Variants in DPP6 observed in about 807,000 individuals in gnomAD.
DPP6 encodes dipeptidyl peptidase like 6, also known as A-type potassium channel modulatory protein DPP6.
A neutral mutation model predicts 122.6 loss-of-function variants in DPP6; 69 were observed. That is an observed-to-expected ratio of 0.56 (90% confidence interval 0.46 to 0.69). The LOEUF is 0.69. DPP6 is among the 30% of genes least tolerant of loss of function. DPP6 has a pLI of 0.00. For missense variants in DPP6, 928 were observed against 1,116.9 expected, an observed-to-expected ratio of 0.83 and a Z score of 2.41; for synonymous variants, 418 against 433.1, an observed-to-expected ratio of 0.97 and a Z score of 0.43.
At chr7:154,157,978 AAT>A (rs1458762811) in intron 1 of DPP6, among the ~76,000 whole-genome samples, 1 of 148,284 alleles carries the variant, frequency 6.7e-6, no homozygotes, top group Admixed American at 6.8e-5. Flanking sequence ...TATGTATATA[AAT>A]ATATATACAT....
intron 1 of DPP6, among the ~76,000 whole-genome samples, chr7:154,209,991 G>A (rs11762905): frequency 0.053 from 8,099 of 152,216 alleles, 417 homozygotes; most frequent in African/African-American, 0.12. Flanking sequence ...GAAGCTGCAA[G>A]TGCTGCCTGG....
chr7:154,405,744 C>T (rs1253866479), intron 1 of DPP6, among the ~76,000 whole-genome samples: 1 of 152,158 alleles, frequency 6.6e-6, no homozygotes, highest in Non-Finnish European at 1.5e-5. Flanking sequence ...TCTCAAACTG[C>T]TCTCAGATCT....
intron 1 of DPP6, among the ~76,000 whole-genome samples, chr7:153,898,874 G>A (rs77102228): frequency 6.6e-6 from 1 of 152,186 alleles, no homozygotes; most frequent in Non-Finnish European, 1.5e-5. Context: ...CATCTTTTCT[G>A]TGCTTTGCTG....
intron 1 of DPP6, among the ~76,000 whole-genome samples, chr7:153,887,992 G>A (rs1799012962): frequency 6.6e-6 from 1 of 152,108 alleles, no homozygotes; most frequent in African/African-American, 2.4e-5. Context: ...TTTGTGTTTT[G>A]GGCGCGGGAT....
the DPP6 span, among the ~76,000 whole-genome samples, chr7:153,848,389 C>A: frequency 0.093 from 14,085 of 151,752 alleles, 1,122 homozygotes; most frequent in East Asian, 0.25. Flanking sequence ...TCCTTGTTAT[C>A]TGCTCTTAGA....
At chr7:154,749,425 A>C (rs1490861183) in intron 8 of DPP6, among the ~76,000 whole-genome samples, 2 of 148,382 alleles carry the variant, frequency 1.3e-5, no homozygotes, top group African/African-American at 5.1e-5. Context: ...GTGAGGGAGC[A>C]TAGGACAGGA....
At chr7:154,066,227 T>C (rs1406851930) in intron 1 of DPP6, among the ~76,000 whole-genome samples, 1 of 151,966 alleles carries the variant, frequency 6.6e-6, no homozygotes, top group East Asian at 1.9e-4. Context: ...GCCTGGCTAA[T>C]TTTTGTATTC....
intron 1 of DPP6, among the ~76,000 whole-genome samples, chr7:154,405,643 CAG>C (rs1816025029): frequency 6.6e-6 from 1 of 152,002 alleles, no homozygotes; most frequent in Admixed American, 6.6e-5. Context: ...CAGGGCCAGG[CAG>C]TGTGAGGGGA....
intron 1 of DPP6, among the ~76,000 whole-genome samples, chr7:154,154,243 G>A (rs1268302796): frequency 6.6e-6 from 1 of 152,248 alleles, no homozygotes; most frequent in African/African-American, 2.4e-5. Context: ...TATTTTCACT[G>A]AAATCGTTTT....
chr7:153,993,833 C>A (rs1797307573), intron 1 of DPP6, among the ~76,000 whole-genome samples: 2 of 152,346 alleles, frequency 1.3e-5, no homozygotes, highest in East Asian at 1.9e-4. Context: ...TCTTTCCCAG[C>A]CACCCAGTAC....
chr7:154,837,971 G>A (rs969094904), intron 16 of DPP6, among the ~76,000 whole-genome samples: 5 of 152,018 alleles, frequency 3.3e-5, no homozygotes, highest in African/African-American at 1.2e-4. Flanking sequence ...ATTCCCCCAA[G>A]CGATCTTACA....
the DPP6 span, among the ~76,000 whole-genome samples, chr7:153,763,455 A>G: frequency 6.6e-6 from 1 of 150,814 alleles, no homozygotes; most frequent in Admixed American, 6.6e-5. Flanking sequence ...GCTATTTTCC[A>G]GGTTAGTATT....
chr7:154,577,260 G>A (rs954014733), intron 5 of DPP6, among the ~76,000 whole-genome samples: 21 of 152,144 alleles, frequency 1.4e-4, no homozygotes, highest in African/African-American at 3.6e-4. Context: ...ATCTTGCAGC[G>A]TTTAGAACAT....
intron 1 of DPP6, among the ~76,000 whole-genome samples, chr7:154,422,586 C>T (rs1363741157): frequency 6.6e-6 from 1 of 151,484 alleles, no homozygotes; most frequent in Non-Finnish European, 1.5e-5. Flanking sequence ...TTGAATGGGT[C>T]AATGGGTAGA....
the DPP6 span, among the ~76,000 whole-genome samples, chr7:153,804,098 G>T: frequency 6.6e-6 from 1 of 150,706 alleles, no homozygotes; most frequent in Admixed American, 6.6e-5. Flanking sequence ...TGCTCAGGCT[G>T]GAGTGCAGTG....
At chr7:154,551,164 C>T (rs556927498) in intron 4 of DPP6, among the ~76,000 whole-genome samples, 1 of 152,260 alleles carries the variant, frequency 6.6e-6, no homozygotes, top group East Asian at 1.9e-4. Context: ...GTTCAATTTT[C>T]AATGTTTACA....
At chr7:154,335,537 G>T (rs999185905) in intron 1 of DPP6, among the ~76,000 whole-genome samples, 4 of 152,202 alleles carry the variant, frequency 2.6e-5, no homozygotes, top group African/African-American at 7.2e-5. Context: ...TGCCCCTGGT[G>T]GGAGATGTTT....
intron 1 of DPP6, among the ~76,000 whole-genome samples, chr7:153,947,057 C>T (rs565088398): frequency 1.1e-3 from 163 of 152,240 alleles, no homozygotes; most frequent in Non-Finnish European, 1.7e-3. Context: ...AAGGGTGTGC[C>T]GTGATTCCCT....
intron 17 of DPP6, among the ~76,000 whole-genome samples, chr7:154,859,195 G>A (rs577241113): frequency 6.6e-6 from 1 of 152,362 alleles, no homozygotes; most frequent in East Asian, 1.9e-4. Context: ...GCCCTGGTGA[G>A]GCCATGCCAG....
Sources: allele counts gnomAD v4.1 joint callset (sites outside exome capture counted in the v4.1 genomes callset), GRCh38; gene constraint gnomAD v4.1.1; transcripts MANE v1.5; gene names NCBI Gene and HGNC (gene_info 2026-07-23, HGNC 2026-07-21).